The following LRP1B variants were observed in gnomAD, a reference collection of about 807,000 sequenced individuals.
The protein encoded by LRP1B is LDL receptor related protein 1B.
LRP1B carries 217 observed loss-of-function variants against 556.6 expected under a neutral mutation model. That is an observed-to-expected ratio of 0.39 (90% CI 0.35 to 0.44). LRP1B has a LOEUF of 0.44. Ranked by LOEUF, LRP1B falls within the 20% of genes least tolerant of loss-of-function variation. The pLI, the probability that LRP1B is intolerant of heterozygous loss-of-function variation, is 1.00. For missense variants in LRP1B, 5,053 were observed against 5,620.8 expected (o/e 0.90, Z 3.23); for synonymous variants, 2,047 against 1,865.8 (o/e 1.10, Z -2.50).
chr2:140,478,309 C>T (rs985559898), intron 59 of LRP1B, among the ~76,000 whole-genome samples: 1 of 151,930 alleles, frequency 6.6e-6, no homozygotes, highest in African/African-American at 2.4e-5. Flanking sequence ...GCCACCACGC[C>T]TGGCTAATTT....
At position 140,350,790 on chromosome 2, in the gene LRP1B, T is replaced by C. The variant is rs1447669672; in HGVS notation, c.11892+7A>G. 1.6e-5 allele frequency: 25 copies of C among 1,609,030 alleles called. No individual in the cohort carries two copies. The highest frequency in any genetic ancestry group is 2.1e-5 in the Non-Finnish European group (25 of 1,177,728). ...GGACTTTCAAATATACAATGGTATTTACTTACAATCAAGCCACTGTTTGCT... is the reference window on the plus strand; with the variant it reads ...GGACTTTCAAATATACAATGGTATTCACTTACAATCAAGCCACTGTTTGCT... On this transcript the variant is annotated splice_region_variant and intron_variant, in intron 77 of 90. Transcript: ENST00000389484.
At chr2:141,063,920 G>C (rs996567321) in intron 7 of LRP1B, among the ~76,000 whole-genome samples, 1 of 151,882 alleles carries the variant, frequency 6.6e-6, no homozygotes, top group Non-Finnish European at 1.5e-5. Flanking sequence ...GTGATGTGTA[G>C]AGACTACGTT....
rs1008467727 is a variant in LRP1B at position 140,378,429 on chromosome 2, C to G, written c.10532-143G>C. ...CCAATATATTGTTTAGGAAAAATCT[C>G]ATGAAGCATCTATGGTACATAATAT... is the stretch of plus-strand genomic sequence containing the variant. On this transcript the variant is annotated intron_variant, in intron 67 of 90. Coordinates refer to ENST00000389484, the MANE Select transcript of LRP1B (RefSeq NM_018557.3). The G allele has an allele frequency of 5.3e-6, 3 of 561,532 alleles. No individual in the cohort carries two copies. In the African/African-American group the frequency reaches 5.7e-5, roughly 11 times the overall value. 34.8% of individuals were successfully genotyped at this position (561,532 alleles called of 1,614,324 possible).
At chr2:141,706,493 C>T (rs1193704755) in intron 2 of LRP1B, among the ~76,000 whole-genome samples, 3 of 152,070 alleles carry the variant, frequency 2.0e-5, no homozygotes, top group Non-Finnish European at 2.9e-5. Context: ...AATTCTACAA[C>T]TCAACTCTCA....
At chr2:140,830,421 T>C (rs1691675688) in intron 31 of LRP1B, among the ~76,000 whole-genome samples, 1 of 152,168 alleles carries the variant, frequency 6.6e-6, no homozygotes, top group South Asian at 2.1e-4. Flanking sequence ...GTGGGAATTA[T>C]TCCAGTGATA....
intron 3 of LRP1B, among the ~76,000 whole-genome samples, chr2:141,382,416 G>A (rs1689675936): frequency 6.6e-6 from 1 of 152,214 alleles, no homozygotes; most frequent in Non-Finnish European, 1.5e-5. Context: ...CCTGTGCAGA[G>A]ACTTACTAGA....
chr2:142,104,196 T>C (rs1287993832), intron 1 of LRP1B, among the ~76,000 whole-genome samples: 1 of 152,142 alleles, frequency 6.6e-6, no homozygotes, highest in Non-Finnish European at 1.5e-5. Context: ...CAAGTGCTAT[T>C]CTTCACTTCA....
chr2:141,352,123 G>T (rs895474356), intron 3 of LRP1B, among the ~76,000 whole-genome samples: 4 of 151,870 alleles, frequency 2.6e-5, no homozygotes, highest in African/African-American at 9.7e-5. Flanking sequence ...AGATTAGTTT[G>T]GATGCTGTGT....
At chr2:140,297,762 T>A (rs1465107515) in intron 84 of LRP1B, 46 bp downstream of exon 84, 1 of 1,537,018 alleles carries the variant, frequency 6.5e-7, no homozygotes, top group Non-Finnish European at 8.8e-7. Flanking sequence ...AATCAGAAGA[T>A]TAACATAAAC....
intron 25 of LRP1B, among the ~76,000 whole-genome samples, chr2:140,881,726 A>G (rs552039079): frequency 6.6e-6 from 1 of 152,306 alleles, no homozygotes; most frequent in African/African-American, 2.4e-5. Flanking sequence ...GATGGAAGGT[A>G]TCAACTCCCC....
chr2:141,746,695 C>T (rs1693926336), intron 2 of LRP1B, among the ~76,000 whole-genome samples: 1 of 151,942 alleles, frequency 6.6e-6, no homozygotes, highest in Admixed American at 6.6e-5. Flanking sequence ...ATTTGGTGTT[C>T]CTGTCCAGGG....
chr2:140,734,252 A>T (rs1687873341), intron 35 of LRP1B, among the ~76,000 whole-genome samples: 1 of 152,244 alleles, frequency 6.6e-6, no homozygotes, highest in African/African-American at 2.4e-5. Flanking sequence ...TAAATTAGAA[A>T]GTTCCCCTAG....
intron 41 of LRP1B, among the ~76,000 whole-genome samples, chr2:140,622,603 C>T (rs1173483401): frequency 6.6e-6 from 1 of 152,170 alleles, no homozygotes; most frequent in Admixed American, 6.5e-5. Flanking sequence ...ATACTTACTA[C>T]TAATTGCACC....
chr2:141,624,443 T>C (rs1421627646), intron 2 of LRP1B, among the ~76,000 whole-genome samples: 1 of 152,182 alleles, frequency 6.6e-6, no homozygotes, highest in Non-Finnish European at 1.5e-5. Context: ...AAAACTGTGG[T>C]TTATCTTTGT....
intron 69 of LRP1B, among the ~76,000 whole-genome samples, chr2:140,371,768 C>A (rs879504146): frequency 6.6e-6 from 1 of 151,844 alleles, no homozygotes; most frequent in Non-Finnish European, 1.5e-5. Context: ...GTCTCACAGA[C>A]CCAATAATAT....
intron 63 of LRP1B, among the ~76,000 whole-genome samples, chr2:140,445,727 G>C (rs1451748403): frequency 2.0e-5 from 3 of 151,938 alleles, no homozygotes; most frequent in Non-Finnish European, 4.4e-5. Flanking sequence ...TCTCATTTTG[G>C]CATTACCATT....
intron 7 of LRP1B, among the ~76,000 whole-genome samples, chr2:141,098,196 T>A (rs1700367210): frequency 6.6e-6 from 1 of 152,228 alleles, no homozygotes; most frequent in Admixed American, 6.5e-5. Context: ...TCTATGGTCC[T>A]GATTCAAACT....
At chr2:140,738,860 C>A (rs187796252) in intron 35 of LRP1B, among the ~76,000 whole-genome samples, 4 of 152,130 alleles carry the variant, frequency 2.6e-5, no homozygotes, top group African/African-American at 7.2e-5. Context: ...TCAAATAACT[C>A]GAAGTGGTCA....
At chr2:141,172,860 C>A (rs2105148323) in intron 7 of LRP1B, among the ~76,000 whole-genome samples, 1 of 152,038 alleles carries the variant, frequency 6.6e-6, no homozygotes, top group East Asian at 1.9e-4. Context: ...GAAATATACA[C>A]AGATCCAAAA....
Sources: allele counts gnomAD v4.1 joint callset (sites outside exome capture counted in the v4.1 genomes callset), GRCh38; gene constraint gnomAD v4.1.1; transcripts MANE v1.5; gene names NCBI Gene and HGNC (gene_info 2026-07-23, HGNC 2026-07-21).